The following MACROD2 variants were observed in gnomAD, a reference collection of about 807,000 sequenced individuals.
MACROD2 encodes the protein ADP-ribose glycohydrolase MACROD2.
MACROD2 carries 36 observed loss-of-function variants against 70.4 expected under a neutral mutation model. That is an observed-to-expected ratio of 0.51 (90% CI 0.39 to 0.68). The LOEUF (loss-of-function observed/expected upper bound fraction) is 0.68. Ranked by LOEUF, MACROD2 falls within the 30% of genes least tolerant of loss-of-function variation. The pLI is 0.00. For synonymous variants in MACROD2, 172 were observed against 178.8 expected (o/e 0.96, Z 0.30); for missense variants, 496 against 538.4 (o/e 0.92, Z 0.78).
chr20:15,111,318 G>A (rs1436931998), intron 5 of MACROD2, among the ~76,000 whole-genome samples: 1 of 151,788 alleles, frequency 6.6e-6, no homozygotes, highest in East Asian at 1.9e-4. Context: ...GATTACAGGT[G>A]CCTGCCACTG....
rs1252367962 is a variant in MACROD2 at position 14,104,966 on chromosome 20, C to T, written c.271+19238C>T. ...AGGTCAATTATAGTTTAAATATAAGCTGAACTGTATAACTATACTAACTGA... is the reference window on the plus strand; with the variant it reads ...AGGTCAATTATAGTTTAAATATAAGTTGAACTGTATAACTATACTAACTGA... On this transcript the variant is annotated intron_variant, in intron 3 of 17. Coordinates refer to ENST00000684519, the MANE Select transcript of MACROD2 (RefSeq NM_001351661.2). Among the ~76,000 whole-genome samples, 23 of 152,156 alleles carry T rather than the reference C, an allele frequency of 1.5e-4. 1 individual carries two copies.
At chr20:15,899,029 T>C (rs918561614) in intron 10 of MACROD2, among the ~76,000 whole-genome samples, 3 of 151,728 alleles carry the variant, frequency 2.0e-5, no homozygotes, top group African/African-American at 7.3e-5. Context: ...TATGTATGTA[T>C]ATATATGTAC....
intron 4 of MACROD2, among the ~76,000 whole-genome samples, chr20:14,670,200 T>C (rs892054485): frequency 6.6e-6 from 1 of 152,142 alleles, no homozygotes; most frequent in Non-Finnish European, 1.5e-5. Flanking sequence ...CCCTGTCATC[T>C]ACGATGATGA....
At chr20:15,833,120 G>A (rs764520168) in intron 8 of MACROD2, among the ~76,000 whole-genome samples, 3 of 152,156 alleles carry the variant, frequency 2.0e-5, no homozygotes, top group Non-Finnish European at 4.4e-5. Flanking sequence ...AATCCAAAAT[G>A]TGCAGAAGAA....
chr20:14,596,461 T>C (rs1485163310), intron 4 of MACROD2, among the ~76,000 whole-genome samples: 1 of 150,144 alleles, frequency 6.7e-6, no homozygotes, highest in East Asian at 1.9e-4. Flanking sequence ...TGAGCACTTA[T>C]GACTTAACTA....
At chr20:14,705,910 C>A (rs1224440028) in intron 5 of MACROD2, among the ~76,000 whole-genome samples, 2 of 152,068 alleles carry the variant, frequency 1.3e-5, no homozygotes, top group Non-Finnish European at 2.9e-5. Context: ...TCTTTTTCTT[C>A]TCTTCCTCTC....
intron 2 of MACROD2, among the ~76,000 whole-genome samples, chr20:14,071,371 C>T (rs1430455056): frequency 1.4e-5 from 2 of 147,070 alleles, no homozygotes; most frequent in African/African-American, 2.5e-5. Flanking sequence ...TGCCGTTCTC[C>T]TGCCTCAGCC....
At chr20:14,424,879 A>G (rs904144868) in intron 3 of MACROD2, among the ~76,000 whole-genome samples, 1 of 152,216 alleles carries the variant, frequency 6.6e-6, no homozygotes, top group African/African-American at 2.4e-5. Flanking sequence ...ATCATTTTAG[A>G]GGAACTATAA....
intron 3 of MACROD2, among the ~76,000 whole-genome samples, chr20:14,165,328 A>G (rs1569186756): frequency 6.6e-6 from 1 of 151,806 alleles, no homozygotes. Flanking sequence ...CTGCTGGGGG[A>G]TCTCTTACTT....
At chr20:14,714,812 A>G (rs919357049) in intron 5 of MACROD2, among the ~76,000 whole-genome samples, 5 of 152,176 alleles carry the variant, frequency 3.3e-5, no homozygotes, top group East Asian at 1.9e-4. Flanking sequence ...CCAAGTAACT[A>G]TCTCTCCTTT....
intron 8 of MACROD2, among the ~76,000 whole-genome samples, chr20:15,703,479 T>A (rs1160398815): frequency 1.3e-5 from 2 of 152,122 alleles, no homozygotes. Flanking sequence ...GTCTATAAAC[T>A]CTCCACTAAA....
chr20:15,914,664 A>G (rs572511486), intron 10 of MACROD2, among the ~76,000 whole-genome samples: 128 of 152,294 alleles, frequency 8.4e-4, no homozygotes, highest in African/African-American at 2.9e-3. Flanking sequence ...GCAATTCTCT[A>G]GTTCTCCAGA....
chr20:15,577,745 C>A (rs1450527135), intron 8 of MACROD2, among the ~76,000 whole-genome samples: 1 of 152,168 alleles, frequency 6.6e-6, no homozygotes, highest in Non-Finnish European at 1.5e-5. Flanking sequence ...ATCTGCAATA[C>A]TTTTCTGGAA....
At chr20:14,079,956 C>G (rs1379950523) in intron 2 of MACROD2, among the ~76,000 whole-genome samples, 1 of 152,076 alleles carries the variant, frequency 6.6e-6, no homozygotes, top group African/African-American at 2.4e-5. Flanking sequence ...AAAACTGGTC[C>G]GTTGAACCAA....
intron 5 of MACROD2, among the ~76,000 whole-genome samples, chr20:15,140,245 C>T (rs2076181656): frequency 1.3e-5 from 2 of 152,128 alleles, no homozygotes; most frequent in Non-Finnish European, 2.9e-5. Flanking sequence ...CCAGTCATGC[C>T]AGCATAAGAA....
At chr20:14,085,252 A>C (rs1332663357) in intron 2 of MACROD2, among the ~76,000 whole-genome samples, 1 of 151,638 alleles carries the variant, frequency 6.6e-6, no homozygotes, top group Non-Finnish European at 1.5e-5. Context: ...CCTTTTAGGT[A>C]AGTTCTTCTT....
At chr20:14,840,234 C>T (rs1018297503) in intron 5 of MACROD2, among the ~76,000 whole-genome samples, 17 of 152,016 alleles carry the variant, frequency 1.1e-4, no homozygotes, top group Non-Finnish European at 1.8e-4. Flanking sequence ...GACGGGGTTT[C>T]GCCATGTTGG....
intron 3 of MACROD2, among the ~76,000 whole-genome samples, chr20:14,399,730 C>T (rs1310361930): frequency 6.6e-6 from 1 of 152,138 alleles, no homozygotes; most frequent in East Asian, 1.9e-4. Flanking sequence ...AATTGTCTTA[C>T]AGCTCACTGA....
At chr20:15,710,439 A>G (rs1233433007) in intron 8 of MACROD2, among the ~76,000 whole-genome samples, 1 of 152,184 alleles carries the variant, frequency 6.6e-6, no homozygotes, top group Non-Finnish European at 1.5e-5. Context: ...AAAATTTTAA[A>G]TTTCAATAGA....
Sources: gnomAD v4.1 joint callset for allele counts (sites outside exome capture counted in the v4.1 genomes callset) on GRCh38, gnomAD v4.1.1 for gene constraint, MANE v1.5 for transcripts, NCBI Gene and HGNC (gene_info 2026-07-23, HGNC 2026-07-21) for gene names.